The following MYO3A variants were observed in gnomAD, a reference collection of about 807,000 sequenced individuals.
MYO3A encodes the protein myosin-IIIa.
In MYO3A, 180 loss-of-function variants were observed where a neutral mutation model predicts 192.7. That is an observed-to-expected ratio of 0.93 (90% CI 0.83 to 1.06). The LOEUF is 1.06. Ranked by LOEUF, MYO3A falls within the 50% of genes least tolerant of loss-of-function variation. The probability of loss-of-function intolerance (pLI) is 0.00; values close to 1 mark genes in which losing one functional copy is unlikely to be tolerated. For synonymous variants in MYO3A, 628 were observed against 645.3 expected (o/e 0.97, Z 0.41); for missense variants, 1,896 against 1,905.0 (o/e 1.00, Z 0.09).
At chr10:26,130,478 A>G (rs1350187159) in intron 20 of MYO3A, among the ~76,000 whole-genome samples, 2 of 152,190 alleles carry the variant, frequency 1.3e-5, no homozygotes, top group Non-Finnish European at 2.9e-5. Flanking sequence ...TCTTTTGTCT[A>G]AGGGCTTGTT....
chr10:26,064,182 T>C (rs116351503), intron 10 of MYO3A, among the ~76,000 whole-genome samples: 1,605 of 152,226 alleles, frequency 0.011, 33 homozygotes, highest in African/African-American at 0.037. Flanking sequence ...AAGCCACTAA[T>C]TGACAAGGGC....
intron 20 of MYO3A, among the ~76,000 whole-genome samples, chr10:26,141,163 G>A (rs1042487133): frequency 1.3e-5 from 2 of 152,032 alleles, no homozygotes; most frequent in African/African-American, 2.4e-5. Flanking sequence ...TTCTGACCTC[G>A]TGATCTGCCT....
chr10:25,986,389 C>G (rs1839656132), intron 4 of MYO3A, among the ~76,000 whole-genome samples: 1 of 152,086 alleles, frequency 6.6e-6, no homozygotes, highest in African/African-American at 2.4e-5. Context: ...TAAAGAACAT[C>G]CAAATCAGTA....
intron 2 of MYO3A, among the ~76,000 whole-genome samples, chr10:25,939,337 CT>C (rs201013719): frequency 2.0e-5 from 3 of 151,812 alleles, no homozygotes; most frequent in Non-Finnish European, 2.9e-5. Flanking sequence ...ATCCCCTAAT[CT>C]TTTTTTCCTG....
chr10:25,996,386 A>C (rs959666118), intron 4 of MYO3A, 104 bp from the exon 5 acceptor site: 1 of 866,208 alleles, frequency 1.2e-6, no homozygotes. Context: ...ATCATTTGAA[A>C]GAGAACATTG....
chr10:26,009,257 T>G (rs2130991764), intron 6 of MYO3A, among the ~76,000 whole-genome samples: 1 of 152,078 alleles, frequency 6.6e-6, no homozygotes, highest in Middle Eastern at 3.4e-3. Flanking sequence ...GGGATAGCTT[T>G]AGGAGATATA....
chr10:25,993,846 G>A (rs973804121), intron 4 of MYO3A, among the ~76,000 whole-genome samples: 1 of 152,128 alleles, frequency 6.6e-6, no homozygotes, highest in African/African-American at 2.4e-5. Flanking sequence ...TTAATCCTGA[G>A]TTCTAGTATG....
At chr10:26,060,915 ATTTTTAT>A (rs1834426581) in intron 10 of MYO3A, among the ~76,000 whole-genome samples, 1 of 144,106 alleles carries the variant, frequency 6.9e-6, no homozygotes, top group Non-Finnish European at 1.5e-5. Context: ...ACAACTTTTT[ATTTTTAT>A]TTTTATTTTA....
At chr10:26,047,428 G>C (rs75264717) in intron 10 of MYO3A, among the ~76,000 whole-genome samples, 1 of 152,030 alleles carries the variant, frequency 6.6e-6, no homozygotes, top group African/African-American at 2.4e-5. Flanking sequence ...CTTCAAATTA[G>C]CAATGCCTAG....
chr10:26,195,911 A>G (rs1051639807), intron 32 of MYO3A, among the ~76,000 whole-genome samples: 1 of 152,218 alleles, frequency 6.6e-6, no homozygotes, highest in African/African-American at 2.4e-5. Flanking sequence ...GAGTTTGCCT[A>G]TTGCATTCAA....
chr10:25,989,520 G>A (rs1184497077), intron 4 of MYO3A, among the ~76,000 whole-genome samples: 2 of 152,060 alleles, frequency 1.3e-5, no homozygotes, highest in African/African-American at 4.8e-5. Context: ...TCTGAATGAA[G>A]AAAAACACCA....
intron 17 of MYO3A, among the ~76,000 whole-genome samples, chr10:26,105,243 G>C (rs1489907531): frequency 6.6e-6 from 1 of 152,028 alleles, no homozygotes; most frequent in Non-Finnish European, 1.5e-5. Context: ...GAATTTCTGG[G>C]TTAAAAGGTG....
intron 4 of MYO3A, among the ~76,000 whole-genome samples, chr10:25,967,604 T>A (rs1267448185): frequency 6.6e-6 from 1 of 152,190 alleles, no homozygotes; most frequent in East Asian, 1.9e-4. Flanking sequence ...TGCAGCCCAT[T>A]ATCAGAAGAA....
intron 32 of MYO3A, among the ~76,000 whole-genome samples, chr10:26,195,517 A>G (rs1198963467): frequency 6.6e-6 from 1 of 152,128 alleles, no homozygotes; most frequent in East Asian, 1.9e-4. Flanking sequence ...GTTACGTCTC[A>G]CTGTCCTAAG....
chr10:26,058,321 A>C (rs796869144), intron 10 of MYO3A, among the ~76,000 whole-genome samples: 1 of 152,044 alleles, frequency 6.6e-6, no homozygotes, highest in South Asian at 2.1e-4. Context: ...TTGATAGCTC[A>C]TTGCCTTTTA....
At chr10:26,196,291 T>G (rs1297735224) in intron 32 of MYO3A, among the ~76,000 whole-genome samples, 1 of 152,238 alleles carries the variant, frequency 6.6e-6, no homozygotes, top group African/African-American at 2.4e-5. Flanking sequence ...GCAGATACTA[T>G]TCCCAGTATG....
chr10:26,097,508 G>A (rs941961045), intron 17 of MYO3A, among the ~76,000 whole-genome samples: 1 of 151,896 alleles, frequency 6.6e-6, no homozygotes, highest in Non-Finnish European at 1.5e-5. Flanking sequence ...TTTACATTAG[G>A]TATATCTCCT....
Position 26,024,120 on chromosome 10 carries a change from A to G in MYO3A, c.797+33A>G, listed in dbSNP as rs77216793. On this transcript the variant is annotated intron_variant, in intron 9 of 34. Transcript: ENST00000642920. ...AAAACAGTCTTTTAAAAAACCAAAG[A>G]TATTCCCTCCTGCTATAACTAAATC... 1.5e-4 allele frequency: 226 copies of G among 1,556,856 alleles called. No individual in the cohort carries two copies. In the East Asian group the frequency reaches 3.8e-3, roughly 26 times the overall value.
At chr10:25,965,310 A>C (rs2091183198) in intron 4 of MYO3A, among the ~76,000 whole-genome samples, 1 of 152,108 alleles carries the variant, frequency 6.6e-6, no homozygotes, top group African/African-American at 2.4e-5. Flanking sequence ...CTTATGGCCC[A>C]GAGTGTGTTT....
Sources: allele counts gnomAD v4.1 joint callset (sites outside exome capture counted in the v4.1 genomes callset), GRCh38; gene constraint gnomAD v4.1.1; transcripts MANE v1.5; gene names NCBI Gene and HGNC (gene_info 2026-07-23, HGNC 2026-07-21).